CDYL2: variants seen among roughly 807,000 people sequenced by gnomAD.
CDYL2 encodes chromodomain Y-like protein 2.
A neutral mutation model predicts 49.4 loss-of-function variants in CDYL2; 23 were observed. The observed-to-expected ratio is 0.47, with a 90% CI of 0.34 to 0.66. The LOEUF (loss-of-function observed/expected upper bound fraction) is 0.66. CDYL2 is among the 30% of genes least tolerant of loss of function. CDYL2 has a pLI of 0.01. For synonymous variants in CDYL2, 360 were observed against 268.8 expected, an observed-to-expected ratio of 1.34 and a Z score of -3.32; for missense variants, 678 against 656.4, an observed-to-expected ratio of 1.03 and a Z score of -0.36.
intron 1 of CDYL2, among the ~76,000 whole-genome samples, chr16:80,760,469 A>G (rs950532158): frequency 2.0e-5 from 3 of 152,214 alleles, no homozygotes; most frequent in Non-Finnish European, 2.9e-5. Context: ...GTACATTTTA[A>G]AATAACTAAG....
chr16:80,629,775 A>G (rs922892718), intron 3 of CDYL2, among the ~76,000 whole-genome samples: 2 of 152,232 alleles, frequency 1.3e-5, no homozygotes, highest in Non-Finnish European at 2.9e-5. Context: ...CAACTTAATT[A>G]TAACCATGAA....
chr16:80,633,353 C>T, intron 2 of CDYL2, 117 bp from the exon 3 acceptor site: 1 of 971,390 alleles, frequency 1.0e-6, no homozygotes, highest in Non-Finnish European at 1.6e-6. Flanking sequence ...GGACACACCA[C>T]CTTCTCCCCT....
intron 1 of CDYL2, among the ~76,000 whole-genome samples, chr16:80,787,745 G>C (rs1008853939): frequency 2.0e-5 from 3 of 152,110 alleles, no homozygotes; most frequent in Non-Finnish European, 4.4e-5. Flanking sequence ...GTGAAAAATA[G>C]TTTTATATAT....
At chr16:80,744,229 C>T (rs746974353) in intron 1 of CDYL2, among the ~76,000 whole-genome samples, 5 of 152,146 alleles carry the variant, frequency 3.3e-5, no homozygotes, top group Non-Finnish European at 7.4e-5. Context: ...GGGGAACACA[C>T]GCTGGGTCTG....
chr16:80,765,022 T>G (rs544696805), intron 1 of CDYL2, among the ~76,000 whole-genome samples: 1 of 141,094 alleles, frequency 7.1e-6, no homozygotes, highest in South Asian at 2.2e-4. Context: ...ATCGCGCCAC[T>G]GCACTCCAGC....
chr16:80,801,352 A>G (rs1040881990), intron 1 of CDYL2, among the ~76,000 whole-genome samples: 3 of 152,246 alleles, frequency 2.0e-5, no homozygotes, highest in Non-Finnish European at 4.4e-5. Flanking sequence ...GTGCTATTAC[A>G]TAAACAAAGT....
chr16:80,625,600 G>C (rs8061127), intron 3 of CDYL2, among the ~76,000 whole-genome samples: 1 of 152,078 alleles, frequency 6.6e-6, no homozygotes, highest in Admixed American at 6.5e-5. Context: ...TAAAATTTAA[G>C]AACTACAACA....
chr16:80,676,046 G>A (rs1367573757), intron 2 of CDYL2, among the ~76,000 whole-genome samples: 2 of 152,110 alleles, frequency 1.3e-5, no homozygotes, highest in Non-Finnish European at 2.9e-5. Flanking sequence ...CAAGCGGGGA[G>A]AATCGATTCT....
intron 1 of CDYL2, among the ~76,000 whole-genome samples, chr16:80,746,626 G>A (rs921536445): frequency 1.3e-5 from 2 of 152,190 alleles, no homozygotes; most frequent in African/African-American, 2.4e-5. Flanking sequence ...CAGCCCAGGC[G>A]GGATCTTCCC....
intron 1 of CDYL2, among the ~76,000 whole-genome samples, chr16:80,693,806 G>C (rs550712313): frequency 1.4e-4 from 22 of 152,214 alleles, no homozygotes; most frequent in African/African-American, 5.1e-4. Flanking sequence ...CACAAAAAAA[G>C]AGTGACCTTT....
At chr16:80,709,015 A>C (rs1904498455) in intron 1 of CDYL2, among the ~76,000 whole-genome samples, 1 of 152,266 alleles carries the variant, frequency 6.6e-6, no homozygotes. Context: ...AATTGAACAG[A>C]AGCGTAAGGC....
At chr16:80,763,773 T>G (rs1454487799) in intron 1 of CDYL2, among the ~76,000 whole-genome samples, 1 of 152,226 alleles carries the variant, frequency 6.6e-6, no homozygotes, top group Non-Finnish European at 1.5e-5. Flanking sequence ...CACCAAATGT[T>G]TACTGAAGCA....
Position 80,620,933 on chromosome 16 carries a change from G to A in CDYL2, c.837C>T (p.Ile279=), listed in dbSNP as rs748983597. ...AGAGCGCTCGCCGGACTTCTTTCAT[G>A]ATCTGCCGGCAGAGATGAATTTGCA... The part of the protein sequence containing the change: ...TSDNNALTPE[I]MKEVRRALCN... Residue 279 remains isoleucine (I), a splice_region_variant and synonymous_variant, in exon 4 of 7, where the codon ATC becomes ATT. Coordinates refer to ENST00000570137, the MANE Select transcript of CDYL2 (RefSeq NM_152342.4). 1 of 1,593,858 alleles carries A rather than the reference G, an allele frequency of 6.3e-7. No individual in the cohort carries two copies. Among genetic ancestry groups the A allele is most frequent in the Middle Eastern group, 1.8e-4 (1 of 5,412 alleles).
At chr16:80,653,244 T>C (rs947909064) in intron 2 of CDYL2, among the ~76,000 whole-genome samples, 2 of 152,204 alleles carry the variant, frequency 1.3e-5, no homozygotes, top group African/African-American at 4.8e-5. Context: ...GGCAGGCGGA[T>C]CACCTGAGGT....
At chr16:80,713,486 C>A (rs1037234817) in intron 1 of CDYL2, among the ~76,000 whole-genome samples, 6 of 152,112 alleles carry the variant, frequency 3.9e-5, no homozygotes, top group African/African-American at 1.4e-4. Context: ...AAAGCTTAGC[C>A]CAGAGCACCA....
chr16:80,671,360 C>G (rs1344942652), intron 2 of CDYL2, among the ~76,000 whole-genome samples: 1 of 152,160 alleles, frequency 6.6e-6, no homozygotes, highest in Non-Finnish European at 1.5e-5. Context: ...TAGGACCAGT[C>G]CTTCCATGGA....
intron 1 of CDYL2, among the ~76,000 whole-genome samples, chr16:80,699,637 T>C (rs1904290806): frequency 6.6e-6 from 1 of 152,252 alleles, no homozygotes; most frequent in South Asian, 2.1e-4. Flanking sequence ...AATTTTATTG[T>C]GTATTTTCAA....
At chr16:80,779,891 T>C (rs1301894765) in intron 1 of CDYL2, among the ~76,000 whole-genome samples, 1 of 152,184 alleles carries the variant, frequency 6.6e-6, no homozygotes, top group East Asian at 1.9e-4. Flanking sequence ...GTATTTTCTA[T>C]ATTTTTTAAA....
chr16:80,692,163 A>G (rs900428858), intron 1 of CDYL2, among the ~76,000 whole-genome samples: 6 of 152,238 alleles, frequency 3.9e-5, no homozygotes, highest in African/African-American at 1.4e-4. Flanking sequence ...CTACGTCCTA[A>G]GTCTGCACGT....
Sources: allele counts gnomAD v4.1 joint callset (sites outside exome capture counted in the v4.1 genomes callset), GRCh38; gene constraint gnomAD v4.1.1; transcripts MANE v1.5; gene names NCBI Gene and HGNC (gene_info 2026-07-23, HGNC 2026-07-21).